The following DOCK7 variants were observed in gnomAD, a reference collection of about 807,000 sequenced individuals.
DOCK7 encodes dedicator of cytokinesis 7.
A neutral mutation model predicts 271.0 loss-of-function variants in DOCK7; 138 were observed. That is an observed-to-expected ratio of 0.51 (90% CI 0.44 to 0.59). The LOEUF (loss-of-function observed/expected upper bound fraction) is 0.59. Ranked by LOEUF, DOCK7 falls within the 20% of genes least tolerant of loss-of-function variation. DOCK7 has a pLI of 0.00. For missense variants in DOCK7, 2,066 were observed against 2,592.4 expected (o/e 0.80, Z 4.41); for synonymous variants, 823 against 876.1 (o/e 0.94, Z 1.07).
chr1:62,599,856 T>C (rs972705894), intron 14 of DOCK7, among the ~76,000 whole-genome samples: 4 of 147,780 alleles, frequency 2.7e-5, no homozygotes, highest in Non-Finnish European at 6.2e-5. Context: ...AAAAAAGCTA[T>C]GTCAGAATCC....
chr1:62,463,818 G>A (rs192034930), intron 48 of DOCK7, among the ~76,000 whole-genome samples: 1 of 152,152 alleles, frequency 6.6e-6, no homozygotes, highest in African/African-American at 2.4e-5. Flanking sequence ...ACCCCTGAAG[G>A]AATGGAGGGA....
At chr1:62,576,755 T>C (rs1646952446) in intron 18 of DOCK7, among the ~76,000 whole-genome samples, 1 of 152,212 alleles carries the variant, frequency 6.6e-6, no homozygotes, top group Non-Finnish European at 1.5e-5. Flanking sequence ...GTGTTACAAG[T>C]CTTTCAAATC....
intron 48 of DOCK7, among the ~76,000 whole-genome samples, chr1:62,460,650 ATTTTTCTT>A (rs1645497187): frequency 3.4e-5 from 5 of 148,390 alleles, no homozygotes; most frequent in East Asian, 2.0e-4. Context: ...CCCTCCAAGT[ATTTTTCTT>A]TTTTTCTTTT....
chr1:62,494,510 A>G, intron 39 of DOCK7, 43 bp from the exon 40 acceptor site: 1 of 1,551,916 alleles, frequency 6.4e-7, no homozygotes, highest in Middle Eastern at 1.7e-4. Context: ...TGTGCTTCCC[A>G]AGCTGGGAGG....
At chr1:62,601,113 A>G in intron 14 of DOCK7, 1 of 1,609,388 alleles carries the variant, frequency 6.2e-7, no homozygotes, top group Non-Finnish European at 8.5e-7. Context: ...GAACCCACAG[A>G]AATTTCTCTA....
At chr1:62,627,506 A>G (rs1557825380) in intron 11 of DOCK7, 2 of 152,214 alleles carry the variant, frequency 1.3e-5, no homozygotes, top group Admixed American at 6.5e-5. Context: ...AAAACGAACA[A>G]TAACAATTCG....
At chr1:62,591,813 T>C (rs1648492145) in intron 14 of DOCK7, among the ~76,000 whole-genome samples, 1 of 152,206 alleles carries the variant, frequency 6.6e-6, no homozygotes, top group Non-Finnish European at 1.5e-5. Context: ...TCTTATAGAA[T>C]CTATAATTAT....
At chr1:62,506,773 C>T (rs1646949500) in intron 35 of DOCK7, among the ~76,000 whole-genome samples, 1 of 149,796 alleles carries the variant, frequency 6.7e-6, no homozygotes, top group African/African-American at 2.5e-5. Flanking sequence ...CGTGGAGAAA[C>T]CCTGTCTCTA....
At chr1:62,526,393 T>C (rs1645007976) in intron 31 of DOCK7, among the ~76,000 whole-genome samples, 1 of 151,962 alleles carries the variant, frequency 6.6e-6, no homozygotes, top group South Asian at 2.1e-4. Flanking sequence ...ACTAAAGGTG[T>C]CCTAATCAAA....
At position 62,688,189 on chromosome 1, in the gene DOCK7, G is replaced by GGGC. The variant is rs548682666; in HGVS notation, c.38+35_38+37dup. The stretch of plus-strand genomic sequence containing the variant: ...TGGGAGGACTCCGCGGCTCTTTCTC[G>GGGC]GGCGGCGGCGGCGGCGCGCCCCACG... On this transcript the variant is annotated intron_variant, in intron 1 of 49. Coordinates refer to ENST00000635253, the MANE Select transcript of DOCK7 (RefSeq NM_001367561.1). 1,128 of 1,356,988 alleles carry GGGC rather than the reference G, an allele frequency of 8.3e-4. 3 individuals are homozygous for GGGC. Among genetic ancestry groups the GGGC allele is most frequent in the South Asian group, 3.3e-3 (196 of 58,766 alleles). The allele number at this position is 1,356,988 out of a possible 1,614,324, so 84.1% of individuals were successfully genotyped here.
chr1:62,569,931 C>A (rs1646714537), intron 18 of DOCK7, among the ~76,000 whole-genome samples: 1 of 152,122 alleles, frequency 6.6e-6, no homozygotes, highest in Non-Finnish European at 1.5e-5. Context: ...CCAGGCTGGT[C>A]TTGAACTTCT....
chr1:62,644,998 C>T (rs1395079457), intron 7 of DOCK7, among the ~76,000 whole-genome samples: 2 of 152,014 alleles, frequency 1.3e-5, no homozygotes, highest in Non-Finnish European at 2.9e-5. Context: ...GCTACAATGA[C>T]ACACCACTTT....
intron 48 of DOCK7, among the ~76,000 whole-genome samples, chr1:62,473,255 GAA>G (rs1645880125): frequency 1.3e-5 from 2 of 152,064 alleles, no homozygotes; most frequent in African/African-American, 2.4e-5. Flanking sequence ...AAGTGACCTG[GAA>G]AAGCACAATT....
At chr1:62,585,110 C>A (rs1327320966) in intron 15 of DOCK7, among the ~76,000 whole-genome samples, 2 of 151,714 alleles carry the variant, frequency 1.3e-5, no homozygotes, top group African/African-American at 2.4e-5. Flanking sequence ...AATGTGAATT[C>A]CAAATCTCAA....
intron 38 of DOCK7, chr1:62,496,027 G>A (rs1179184885): frequency 1.1e-5 from 4 of 354,456 alleles, no homozygotes; most frequent in Non-Finnish European, 2.0e-5. Flanking sequence ...AGAAACTTTA[G>A]TTTTTAAGGC....
At chr1:62,491,240 T>G (rs562398327) in intron 41 of DOCK7, among the ~76,000 whole-genome samples, 43 of 152,324 alleles carry the variant, frequency 2.8e-4, no homozygotes, top group African/African-American at 1.0e-3. Context: ...GGATAAGGCC[T>G]GGTGAAGAAC....
intron 25 of DOCK7, among the ~76,000 whole-genome samples, chr1:62,542,341 A>T (rs1199405586): frequency 6.6e-6 from 1 of 152,160 alleles, no homozygotes; most frequent in East Asian, 1.9e-4. Flanking sequence ...AATGTATCAC[A>T]AGTTTCCTTT....
chr1:62,622,662 G>A (rs995962006), intron 12 of DOCK7, among the ~76,000 whole-genome samples: 5 of 152,054 alleles, frequency 3.3e-5, no homozygotes, highest in South Asian at 2.1e-4. Context: ...CAGGCACGGC[G>A]TCTCACGCCT....
chr1:62,497,747 A>C (rs1646663589), intron 37 of DOCK7, among the ~76,000 whole-genome samples: 1 of 152,198 alleles, frequency 6.6e-6, no homozygotes, highest in South Asian at 2.1e-4. Flanking sequence ...TTTTTGTAAA[A>C]TGCAGATCTG....
Sources: allele counts gnomAD v4.1 joint callset (sites outside exome capture counted in the v4.1 genomes callset), GRCh38; gene constraint gnomAD v4.1.1; transcripts MANE v1.5; gene names NCBI Gene and HGNC (gene_info 2026-07-23, HGNC 2026-07-21).